CHN2: variants seen among roughly 807,000 people sequenced by gnomAD.
CHN2 encodes beta-chimaerin.
In CHN2, 35 loss-of-function variants were observed where a neutral mutation model predicts 56.3. The ratio of observed to expected loss-of-function variants is 0.62; its 90% confidence interval spans 0.47 to 0.82. CHN2 has a LOEUF of 0.82. Among genes scored for constraint, CHN2 ranks in the 40% least tolerant of loss-of-function variants. The pLI is 0.00. For synonymous variants in CHN2, 210 were observed against 212.8 expected, an observed-to-expected ratio of 0.99 and a Z score of 0.12; for missense variants, 491 against 580.5, an observed-to-expected ratio of 0.85 and a Z score of 1.58.
Position 29,172,938 on chromosome 7 carries a change from G to A in CHN2, c.274+25978G>A, listed in dbSNP as rs145979158. On this transcript the variant is annotated intron_variant, in intron 2 of 6. Coordinates refer to the CHN2 transcript ENST00000439384. ...CTGAGGTTAGGAGTTTGAGACCAGC[G>A]TGGCCAGTATGGCAAAAACCTGTTT... is the stretch of plus-strand genomic sequence containing the variant. Among the ~76,000 whole-genome samples, 220 of 151,958 alleles carry A rather than the reference G, an allele frequency of 1.4e-3. 2 individuals are homozygous for A. Among genetic ancestry groups the A allele is most frequent in the African/African-American group, 5.1e-3 (210 of 41,452 alleles).
intron 2 of CHN2, 30 bp from the exon 3 acceptor site, chr7:29,367,902 T>TTC (rs142914048): frequency 1.1e-3 from 1,602 of 1,465,318 alleles, no homozygotes; most frequent in African/African-American, 1.3e-3. Context: ...TTCTAATTAT[T>TTC]TCTCTCTCTC....
chr7:29,215,364 C>T (rs1270180941), intron 1 of CHN2, among the ~76,000 whole-genome samples: 2 of 152,138 alleles, frequency 1.3e-5, no homozygotes, highest in African/African-American at 2.4e-5. Flanking sequence ...GTCCTAGCTA[C>T]TTGAGGCACT....
At chr7:29,331,464 C>T (rs1199918827) in intron 1 of CHN2, among the ~76,000 whole-genome samples, 1 of 152,218 alleles carries the variant, frequency 6.6e-6, no homozygotes, top group Non-Finnish European at 1.5e-5. Flanking sequence ...TGAACTGCAG[C>T]ACTGGAGCAA....
chr7:29,313,869 G>T (rs140874036), intron 1 of CHN2, among the ~76,000 whole-genome samples: 3 of 152,330 alleles, frequency 2.0e-5, no homozygotes, highest in Admixed American at 2.0e-4. Context: ...CGATGCAAGA[G>T]CTCCTTGGAG....
At chr7:29,423,537 C>T (rs1254568727) in intron 6 of CHN2, among the ~76,000 whole-genome samples, 1 of 152,236 alleles carries the variant, frequency 6.6e-6, no homozygotes, top group Non-Finnish European at 1.5e-5. Flanking sequence ...GTGCATGCCA[C>T]TGGCCTTGGA....
intron 2 of CHN2, among the ~76,000 whole-genome samples, chr7:29,180,804 T>C (rs1385914022): frequency 6.6e-6 from 1 of 152,188 alleles, no homozygotes; most frequent in East Asian, 1.9e-4. Context: ...TCACATTCTG[T>C]GTGATGTTGG....
intron 1 of CHN2, among the ~76,000 whole-genome samples, chr7:29,295,341 A>G (rs895219122): frequency 1.3e-5 from 2 of 151,890 alleles, no homozygotes; most frequent in African/African-American, 4.8e-5. Context: ...ACACACACAC[A>G]CACACAGATT....
intron 1 of CHN2, among the ~76,000 whole-genome samples, chr7:29,256,818 C>G (rs1789116234): frequency 6.6e-6 from 1 of 152,010 alleles, no homozygotes; most frequent in Non-Finnish European, 1.5e-5. Flanking sequence ...CCGATCGCCC[C>G]CCCACCACGA....
intron 6 of CHN2, among the ~76,000 whole-genome samples, chr7:29,469,291 C>T (rs1215620176): frequency 6.6e-6 from 1 of 152,208 alleles, no homozygotes; most frequent in Admixed American, 6.5e-5. Flanking sequence ...CTGCCATAGC[C>T]TTTAGCTGAT....
chr7:29,415,612 A>G (rs1272622631), intron 6 of CHN2, among the ~76,000 whole-genome samples: 1 of 151,974 alleles, frequency 6.6e-6, no homozygotes, highest in Non-Finnish European at 1.5e-5. Flanking sequence ...GCGAGGAGGG[A>G]GATGGCCAGG....
chr7:29,375,870 G>C (rs548015939), intron 3 of CHN2, among the ~76,000 whole-genome samples: 1 of 152,346 alleles, frequency 6.6e-6, no homozygotes, highest in South Asian at 2.1e-4. Flanking sequence ...GGCCCCACAA[G>C]TTTTGGGGTG....
intron 1 of CHN2, among the ~76,000 whole-genome samples, chr7:29,252,578 G>GTTTTTTTTGTTTTTTTTTT (rs1788667379): frequency 5.1e-5 from 1 of 19,488 alleles, no homozygotes; most frequent in Non-Finnish European, 8.2e-5. Flanking sequence ...TGCATTCTTT[G>GTTTTTTTTGTTTTTTTTTT]TTTTTTTTTT....
At chr7:29,257,948 T>C (rs1789210486) in intron 1 of CHN2, among the ~76,000 whole-genome samples, 1 of 151,836 alleles carries the variant, frequency 6.6e-6, no homozygotes, top group South Asian at 2.1e-4. Flanking sequence ...CCACCACCCC[T>C]GGCTAATTTT....
At chr7:29,305,556 A>G (rs1374109618) in intron 1 of CHN2, among the ~76,000 whole-genome samples, 1 of 152,148 alleles carries the variant, frequency 6.6e-6, no homozygotes, top group Non-Finnish European at 1.5e-5. Flanking sequence ...ATAAAATGGA[A>G]AGTTGGGTCA....
chr7:29,222,004 A>G (rs1308005945), intron 1 of CHN2, among the ~76,000 whole-genome samples: 1 of 152,138 alleles, frequency 6.6e-6, no homozygotes. Context: ...GTCAAATGGT[A>G]TTTCTGCTTC....
intron 2 of CHN2, among the ~76,000 whole-genome samples, chr7:29,184,993 A>G (rs538129513): frequency 3.0e-4 from 46 of 152,290 alleles, no homozygotes; most frequent in Non-Finnish European, 4.7e-4. Flanking sequence ...AGATGTCTCT[A>G]AGTGCATTTG....
intron 6 of CHN2, among the ~76,000 whole-genome samples, chr7:29,421,072 C>T (rs1250733271): frequency 1.3e-5 from 2 of 152,152 alleles, no homozygotes; most frequent in South Asian, 2.1e-4. Flanking sequence ...GGATTACAGG[C>T]GTGAGCCACC....
chr7:29,305,778 T>C (rs1794092959), intron 1 of CHN2, among the ~76,000 whole-genome samples: 1 of 151,626 alleles, frequency 6.6e-6, no homozygotes, highest in Non-Finnish European at 1.5e-5. Flanking sequence ...CTCTCCTCCC[T>C]TCTCCTCCCC....
At chr7:29,168,744 A>T (rs1463571379) in intron 2 of CHN2, among the ~76,000 whole-genome samples, 1 of 152,176 alleles carries the variant, frequency 6.6e-6, no homozygotes, top group East Asian at 1.9e-4. Flanking sequence ...CTTAAAAACT[A>T]TTTTTCCATT....
Sources: allele counts gnomAD v4.1 joint callset (sites outside exome capture counted in the v4.1 genomes callset), GRCh38; gene constraint gnomAD v4.1.1; transcripts MANE v1.5; gene names NCBI Gene and HGNC (gene_info 2026-07-23, HGNC 2026-07-21).